LRRN3: variants seen among roughly 807,000 people sequenced by gnomAD.
The protein encoded by LRRN3 is leucine rich repeat neuronal 3.
A neutral mutation model predicts 40.1 loss-of-function variants in LRRN3; 15 were observed. That is an observed-to-expected ratio of 0.37 (90% CI 0.25 to 0.58). The LOEUF (loss-of-function observed/expected upper bound fraction) is 0.58, where lower values mean the gene tolerates loss of function less well. LRRN3 is among the 20% of genes least tolerant of loss of function. The probability of loss-of-function intolerance (pLI) is 0.72; values close to 1 mark genes in which losing one functional copy is unlikely to be tolerated. For missense variants in LRRN3, 746 were observed against 837.7 expected, an observed-to-expected ratio of 0.89 and a Z score of 1.35; for synonymous variants, 308 against 297.2, an observed-to-expected ratio of 1.04 and a Z score of -0.37.
In LRRN3 at chr7:111,124,329, A is replaced by C. The variant is rs1307042940; in HGVS notation, c.1557A>C (p.Gln519His). Reference sequence around the variant, plus strand: ...TCAAAGTGGATGGATCTTTTCCACAAGATAACAATGGCTCTTTGAATATTA... The same window carrying C: ...TCAAAGTGGATGGATCTTTTCCACACGATAACAATGGCTCTTTGAATATTA... ...VMIKVDGSFP[Q>H]DNNGSLNIKI... The change falls in exon 3 of 3, where the codon CAA becomes CAC. Residue 519 changes from glutamine to histidine, a missense_variant. Gln to His is a conservative substitution (Grantham distance 24, BLOSUM62 0). Transcript: ENST00000308478. 1 of 1,613,794 alleles carries C rather than the reference A, an allele frequency of 6.2e-7. No individual in the cohort carries two copies. Among genetic ancestry groups the C allele is most frequent in the Non-Finnish European group, 8.5e-7 (1 of 1,179,928 alleles).
Position 111,102,140 on chromosome 7 carries a change from A to C in LRRN3, c.-359+2178A>C, listed in dbSNP as rs530445179. On this transcript the variant is annotated intron_variant, in intron 2 of 2. Transcript: ENST00000308478. ...ATCCCTATATTGGGATAGATTTTACAGATTTTAGGTCACTTGTTCAAAGTG... is the reference window on the plus strand; with the variant it reads ...ATCCCTATATTGGGATAGATTTTACCGATTTTAGGTCACTTGTTCAAAGTG... Among the ~76,000 whole-genome samples the C allele has an allele frequency of 2.0e-5, 3 of 151,682 alleles. No individual in the cohort carries two copies. In the South Asian group the frequency reaches 6.2e-4, roughly 31 times the overall value.
intron 2 of LRRN3, among the ~76,000 whole-genome samples, chr7:111,104,564 A>T (rs1798333530): frequency 6.6e-6 from 1 of 151,122 alleles, no homozygotes; most frequent in Admixed American, 6.6e-5. Context: ...GGTTGCCAGC[A>T]ATAGTTGTAA....
chr7:111,093,274 A>G (rs1285417624), intron 1 of LRRN3, among the ~76,000 whole-genome samples: 1 of 152,188 alleles, frequency 6.6e-6, no homozygotes, highest in Non-Finnish European at 1.5e-5. Flanking sequence ...CAAATGCCAC[A>G]TGCAATCTAT....
At chr7:111,117,207 A>G (rs1799986824) in intron 2 of LRRN3, among the ~76,000 whole-genome samples, 1 of 152,162 alleles carries the variant, frequency 6.6e-6, no homozygotes, top group African/African-American at 2.4e-5. Context: ...AAAGGTTAAA[A>G]TCAGATAAGT....
chr7:111,123,716 A>C lies in LRRN3; in HGVS notation c.944A>C (p.Glu315Ala). 6.2e-7 allele frequency: 1 copy of C among 1,613,934 alleles called. No individual in the cohort carries two copies. The highest frequency in any genetic ancestry group is 8.5e-7 in the Non-Finnish European group (1 of 1,179,938). Residue 315 changes from glutamate (E) to alanine (A), a missense_variant, in exon 3 of 3, where the codon GAA becomes GCA. By Grantham distance (107) the Glu-to-Ala change is moderately radical. Coordinates refer to ENST00000308478, the MANE Select transcript of LRRN3 (RefSeq NM_001099658.2). This position sits in a 1 kb window ranked among gnomAD's most constrained non-coding sequence, Gnocchi z 6.4. ...VDNLPDLRKI[E>A]ATNNPRLSYI... ...AACCTGCCAGATTTAAGAAAAATAG[A>C]AGCTACTAACAACCCTAGATTGTCT...
chr7:111,099,383 T>C (rs919682826), intron 1 of LRRN3, among the ~76,000 whole-genome samples: 12 of 151,760 alleles, frequency 7.9e-5, no homozygotes, highest in Admixed American at 1.3e-4. Context: ...TTCATCAATC[T>C]TCTTCAGTAT....
intron 2 of LRRN3, among the ~76,000 whole-genome samples, chr7:111,118,587 C>A (rs115606821): frequency 6.6e-6 from 1 of 151,888 alleles, no homozygotes; most frequent in African/African-American, 2.4e-5. Flanking sequence ...ATGTACCTCA[C>A]CAACCTATCT....
At chr7:111,110,038 G>A (rs963061180) in intron 2 of LRRN3, among the ~76,000 whole-genome samples, 8 of 152,164 alleles carry the variant, frequency 5.3e-5, no homozygotes, top group African/African-American at 1.9e-4. Context: ...AGGAGGCTGA[G>A]GCAGGAGAAT....
intron 2 of LRRN3, among the ~76,000 whole-genome samples, chr7:111,100,845 C>T (rs1426320910): frequency 1.3e-5 from 2 of 151,406 alleles, no homozygotes; most frequent in African/African-American, 4.8e-5. Flanking sequence ...TTTTATTGAC[C>T]ATAAATATCT....
Position 111,122,646 on chromosome 7 carries a change from T to C in LRRN3, c.-127T>C. On this transcript the variant is annotated 5_prime_UTR_variant, in exon 3 of 3. Transcript: ENST00000308478. ...CTTATTTCAGTGAAGAAAAACTTTG[T>C]GGTTCTATGGCATTCATCATTTGAC... is the stretch of plus-strand genomic sequence containing the variant. 1.4e-6 allele frequency: 1 copy of C among 721,426 alleles called. No homozygotes were observed. Among genetic ancestry groups the C allele is most frequent in the South Asian group, 2.0e-5 (1 of 50,342 alleles). 44.7% of individuals were successfully genotyped at this position (721,426 alleles called of 1,614,324 possible).
At chr7:111,097,000 G>A (rs1797470065) in intron 1 of LRRN3, 1 of 151,782 alleles carries the variant, frequency 6.6e-6, no homozygotes, top group Non-Finnish European at 1.5e-5. Flanking sequence ...ATCTTCTAAA[G>A]TTTGTCATTT....
In LRRN3 at chr7:111,122,862, A is replaced by G; in HGVS notation, c.90A>G (p.Pro30=). ...CTGTAGATAAAAAAGTGGATTGTCC[A>G]CGGTTATGTACGTGTGAAATCAGGC... ...VQAVDKKVDC[P]RLCTCEIRPW... The change falls in exon 3 of 3, where the codon CCA becomes CCG. Residue 30 remains proline, a synonymous_variant. Transcript: ENST00000308478. 2 of 1,613,992 alleles carry G rather than the reference A, an allele frequency of 1.2e-6. No homozygotes were observed. Among genetic ancestry groups the G allele is most frequent in the African/African-American group, 2.7e-5 (2 of 75,046 alleles).
In LRRN3 at chr7:111,123,518, T is replaced by C. The variant is rs1479706060; in HGVS notation, c.746T>C (p.Ile249Thr). ...ESISFYDNRLIKVPHVALQKV... is the reference protein window; with the variant it reads ...ESISFYDNRLTKVPHVALQKV... Reference sequence around the variant, plus strand: ...ATCTCTTTTTACGATAACAGGCTTATTAAAGTACCCCATGTTGCTCTTCAA... The same window carrying C: ...ATCTCTTTTTACGATAACAGGCTTACTAAAGTACCCCATGTTGCTCTTCAA... The change falls in exon 3 of 3, where the codon ATT becomes ACT. Residue 249 changes from isoleucine (I) to threonine (T), a missense_variant. Physicochemically the swap from Ile to Thr is moderately conservative, Grantham distance 89 (BLOSUM62 -1). Coordinates refer to ENST00000308478, the MANE Select transcript of LRRN3 (RefSeq NM_001099658.2). This position sits in a 1 kb window ranked among gnomAD's most constrained non-coding sequence, Gnocchi z 6.4. 1.2e-6 allele frequency: 2 copies of C among 1,613,834 alleles called. No homozygotes were observed. The highest frequency in any genetic ancestry group is 1.3e-5 in the African/African-American group (1 of 74,924).
chr7:111,117,212 A>G (rs1365266165), intron 2 of LRRN3, among the ~76,000 whole-genome samples: 2 of 152,170 alleles, frequency 1.3e-5, no homozygotes, highest in East Asian at 1.9e-4. Context: ...TTAAAATCAG[A>G]TAAGTGAGTT....
chr7:111,122,608 T>G lies in LRRN3; in HGVS notation c.-165T>G. On this transcript the variant is annotated 5_prime_UTR_variant, in exon 3 of 3. The change creates a new upstream start codon in the 5' untranslated region. Coordinates refer to ENST00000308478, the MANE Select transcript of LRRN3 (RefSeq NM_001099658.2). The stretch of plus-strand genomic sequence containing the variant: ...GCATGACATTTTTGGACAATGCAAT[T>G]GTGGCACTGGCACTTATTTCAGTGA... 1.7e-6 allele frequency: 1 copy of G among 602,406 alleles called. No homozygotes were observed. Among genetic ancestry groups the G allele is most frequent in the Non-Finnish European group, 3.0e-6 (1 of 337,184 alleles). 37.3% of individuals were successfully genotyped at this position (602,406 alleles called of 1,614,324 possible).
At chr7:111,100,414 A>T (rs957729538) in intron 2 of LRRN3, among the ~76,000 whole-genome samples, 2 of 148,252 alleles carry the variant, frequency 1.3e-5, no homozygotes, top group African/African-American at 4.9e-5. Context: ...CTTAAACTTT[A>T]TATATAATAA....
intron 2 of LRRN3, among the ~76,000 whole-genome samples, chr7:111,109,330 T>A (rs969881540): frequency 2.6e-5 from 4 of 151,966 alleles, no homozygotes; most frequent in African/African-American, 9.7e-5. Context: ...GAAAACCCAA[T>A]CATCATGCTT....
At chr7:111,106,550 C>T (rs1673919511) in intron 2 of LRRN3, among the ~76,000 whole-genome samples, 1 of 151,468 alleles carries the variant, frequency 6.6e-6, no homozygotes, top group Non-Finnish European at 1.5e-5. Context: ...TTCTCACTGC[C>T]CCAGGCTTGA....
Position 111,125,045 on chromosome 7 carries a change from T to C in LRRN3, c.*146T>C, listed in dbSNP as rs2129590568. 1.6e-6 allele frequency: 1 copy of C among 621,798 alleles called. No individual in the cohort carries two copies. Among genetic ancestry groups the C allele is most frequent in the Non-Finnish European group, 2.8e-6 (1 of 362,590 alleles). 38.5% of individuals were successfully genotyped at this position (621,798 alleles called of 1,614,324 possible). ...GAGAGAGAAGTTTAAGCTTCACCAA[T>C]GCTGCTCCTGACCAATGGAAATATG... On this transcript the variant is annotated 3_prime_UTR_variant, in exon 3 of 3. Coordinates refer to ENST00000308478, the MANE Select transcript of LRRN3 (RefSeq NM_001099658.2).
Sources: allele counts gnomAD v4.1 joint callset (sites outside exome capture counted in the v4.1 genomes callset), GRCh38; gene constraint gnomAD v4.1.1; non-coding constraint Gnocchi (gnomAD v3.1); transcripts MANE v1.5; gene names NCBI Gene and HGNC (gene_info 2026-07-23, HGNC 2026-07-21).